SPATA31C1: variants seen among roughly 807,000 people sequenced by gnomAD.
SPATA31C1 encodes spermatogenesis-associated protein 31C1.
At chr9:87,921,136 A>G in exon 5 of SPATA31C1, 2 of 1,611,816 alleles carry the variant, frequency 1.2e-6, no homozygotes, top group Non-Finnish European at 1.7e-6. Context: ...TTGTTGAGGA[A>G]ACAACTAGAA....
chr9:87,919,001 C>G (rs62579560), intron 2 of SPATA31C1: 2 of 455,550 alleles, frequency 4.4e-6, no homozygotes, highest in African/African-American at 2.0e-5. Context: ...AACTCTTGAC[C>G]TCAGGTGATC....
exon 5 of SPATA31C1, chr9:87,921,117 G>C: frequency 2.5e-6 from 4 of 1,611,742 alleles, no homozygotes; most frequent in Non-Finnish European, 3.4e-6. Flanking sequence ...TCAGCACCCT[G>C]AAAGGCCTTT....
At chr9:87,921,788 C>A in exon 5 of SPATA31C1, 1 of 1,612,006 alleles carries the variant, frequency 6.2e-7, no homozygotes, top group Non-Finnish European at 8.5e-7. Context: ...ATCTAGCAGC[C>A]CCGAAAAGTA....
chr9:87,922,052 G>T (rs193191680), exon 5 of SPATA31C1: 1 of 1,613,966 alleles, frequency 6.2e-7, no homozygotes, highest in East Asian at 2.2e-5. Flanking sequence ...TCCTTGGAGA[G>T]CCACCAATGG....
At chr9:87,919,203 G>C (rs750497145) in intron 2 of SPATA31C1, 52 bp from the exon 2 acceptor site, 209 of 1,596,682 alleles carry the variant, frequency 1.3e-4, no homozygotes, top group Admixed American at 1.2e-4. Context: ...GCTGCGGCTG[G>C]GGGCAGAGAG....
At position 87,917,282 on chromosome 9, in the gene SPATA31C1, T is replaced by C. The variant is rs1452389999; in HGVS notation, n.190-565T>C. 3.4e-5 allele frequency among the ~76,000 whole-genome samples: 5 copies of C among 146,432 alleles called. No individual in the cohort carries two copies. In the East Asian group the frequency reaches 1.0e-3, roughly 29 times the overall value. On this transcript the variant is annotated intron_variant and non_coding_transcript_variant, in intron 1 of 4. Transcript: ENST00000420021. Reference sequence around the variant, plus strand: ...AAAAGAAATTAGCAGGGCGTGGTGGTGGTGGGCGCCTGTAGTCCCAGCTAC... The same window carrying C: ...AAAAGAAATTAGCAGGGCGTGGTGGCGGTGGGCGCCTGTAGTCCCAGCTAC...
chr9:87,919,188 A>G (rs1828778836), intron 2 of SPATA31C1, 67 bp from the exon 2 acceptor site: 1 of 1,593,220 alleles, frequency 6.3e-7, no homozygotes, highest in Non-Finnish European at 8.6e-7. Flanking sequence ...TCATGAGTGC[A>G]GCGTGCTGCG....
intron 3 of SPATA31C1, 25 bp downstream of exon 2, chr9:87,919,373 G>T: frequency 6.3e-7 from 1 of 1,590,226 alleles, no homozygotes; most frequent in Non-Finnish European, 8.5e-7. Context: ...GGGCACACTA[G>T]AGTTAATTTG....
chr9:87,917,032 C>T (rs1828744984), intron 1 of SPATA31C1, among the ~76,000 whole-genome samples: 1 of 122,856 alleles, frequency 8.1e-6, no homozygotes, highest in African/African-American at 2.9e-5. Flanking sequence ...TGCACATGTA[C>T]CCCGGAACTT....
At chr9:87,920,204 G>T in intron 4 of SPATA31C1, 48 bp from the exon 4 acceptor site, 5 of 1,609,688 alleles carry the variant, frequency 3.1e-6, no homozygotes, top group Non-Finnish European at 4.2e-6. Context: ...TCTGCCCTCC[G>T]AACCCATCTG....
At chr9:87,916,261 A>C (rs528064754) in intron 1 of SPATA31C1, among the ~76,000 whole-genome samples, 30 of 144,692 alleles carry the variant, frequency 2.1e-4, no homozygotes, top group African/African-American at 7.1e-4. Flanking sequence ...CAAAAAAAAA[A>C]AAAAAGATCA....
chr9:87,916,769 G>A (rs1273441612), intron 1 of SPATA31C1, among the ~76,000 whole-genome samples: 15 of 95,060 alleles, frequency 1.6e-4, no homozygotes, highest in African/African-American at 1.0e-4. Context: ...AGGCCAAGGC[G>A]GGCGGATCAC....
chr9:87,923,264 C>A, exon 5 of SPATA31C1: 2 of 1,603,592 alleles, frequency 1.2e-6, no homozygotes, highest in Non-Finnish European at 1.7e-6. Flanking sequence ...ATGCAGCCAG[C>A]AGTCAACAAG....
exon 5 of SPATA31C1, chr9:87,921,840 G>A (rs769329935): frequency 6.2e-7 from 1 of 1,612,056 alleles, no homozygotes; most frequent in Non-Finnish European, 8.5e-7. Flanking sequence ...TTCCTTCCTT[G>A]AGCTGTGTAC....
exon 5 of SPATA31C1, chr9:87,920,599 C>A (rs753844256): frequency 2.5e-6 from 4 of 1,613,772 alleles, no homozygotes; most frequent in South Asian, 1.1e-5. Flanking sequence ...TGCTCTCCAC[C>A]TCCTCCGAAA....
chr9:87,921,826 T>A, exon 5 of SPATA31C1: 1 of 1,612,062 alleles, frequency 6.2e-7, no homozygotes. Context: ...ACAGCCCAGG[T>A]GCTTTCCTTC....
At chr9:87,922,627 A>C (rs1828904564) in exon 5 of SPATA31C1, 1 of 1,608,840 alleles carries the variant, frequency 6.2e-7, no homozygotes, top group African/African-American at 1.3e-5. Context: ...CAAGTGCCCC[A>C]GGGCCATCTC....
chr9:87,922,070 G>A (rs1313084068), exon 5 of SPATA31C1: 2 of 1,614,008 alleles, frequency 1.2e-6, no homozygotes, highest in Non-Finnish European at 1.7e-6. Flanking sequence ...TGGCAAGTCT[G>A]AGAAAGCAAG....
At position 87,919,807 on chromosome 9, in the gene SPATA31C1, T is replaced by G. The variant is rs1587588983; in HGVS notation, n.581-109T>G. On this transcript the variant is annotated intron_variant and non_coding_transcript_variant, in intron 3 of 4. Transcript: ENST00000420021. ...CCATGTGGCTTTGGACACAGATGGG[T>G]GGGTTCCAGGGTCTAATTCCCCATG... The G allele has an allele frequency of 5.3e-6, 8 of 1,507,384 alleles. No homozygotes were observed. The South Asian group carries it at 9.4e-5, about 18-fold the overall frequency. 93.4% of individuals were successfully genotyped at this position (1,507,384 alleles called of 1,614,324 possible). A position where few individuals can be genotyped will look rare whatever the true frequency, so the allele number is the denominator to read the frequency against.
Sources: allele counts gnomAD v4.1 joint callset (sites outside exome capture counted in the v4.1 genomes callset), GRCh38; gene constraint gnomAD v4.1.1; transcripts MANE v1.5; gene names NCBI Gene and HGNC (gene_info 2026-07-23, HGNC 2026-07-21).